STAG1: variants seen among roughly 807,000 people sequenced by gnomAD.
STAG1 encodes the protein STAG1 cohesin complex component.
Under a neutral mutation model 170.9 loss-of-function variants are expected in STAG1, and 26 were observed. The observed-to-expected ratio is 0.15, with a 90% CI of 0.11 to 0.21. The LOEUF is 0.21. STAG1 is among the 10% of genes least tolerant of loss of function. STAG1 has a pLI of 1.00. For missense variants in STAG1, 964 were observed against 1,509.5 expected (o/e 0.64, Z 5.99); for synonymous variants, 514 against 497.7 (o/e 1.03, Z -0.44).
At chr3:136,678,724 A>C (rs1942222310) in intron 1 of STAG1, among the ~76,000 whole-genome samples, 1 of 151,722 alleles carries the variant, frequency 6.6e-6, no homozygotes, top group South Asian at 2.1e-4. Flanking sequence ...AACAACTCAA[A>C]ATTAGGTGCC....
intron 31 of STAG1, among the ~76,000 whole-genome samples, chr3:136,340,974 T>C (rs1935944920): frequency 6.6e-6 from 1 of 152,194 alleles, no homozygotes; most frequent in South Asian, 2.1e-4. Flanking sequence ...AGTGGCGTGA[T>C]CTTGACTCAC....
At chr3:136,422,356 TTAAG>T (rs975030351) in intron 19 of STAG1, 50 bp downstream of exon 19, 86 of 1,515,028 alleles carry the variant, frequency 5.7e-5, no homozygotes, top group Non-Finnish European at 6.9e-5. Flanking sequence ...CTCAGCTATC[TTAAG>T]TAATTCTCAG....
intron 28 of STAG1, among the ~76,000 whole-genome samples, chr3:136,350,452 C>A (rs1159433520): frequency 1.3e-5 from 2 of 152,178 alleles, no homozygotes; most frequent in African/African-American, 2.4e-5. Flanking sequence ...AGTCTCCACT[C>A]CTGGGGTAAA....
chr3:136,751,949 G>A (rs1935277893), intron 1 of STAG1, among the ~76,000 whole-genome samples: 1 of 150,842 alleles, frequency 6.6e-6, no homozygotes, highest in African/African-American at 2.4e-5. Flanking sequence ...AGACGCCGGG[G>A]TGCCCACCGC....
At chr3:136,359,424 A>G (rs145829085) in intron 26 of STAG1, 128 bp from the exon 27 acceptor site, 14 of 603,338 alleles carry the variant, frequency 2.3e-5, no homozygotes, top group Non-Finnish European at 3.4e-5. Flanking sequence ...ATTGAATTTT[A>G]GCTACTCTGT....
rs145335486 is a variant in STAG1 at position 136,540,683 on chromosome 3, G to A, written c.471+1436C>T. ...CTAGTAATACAAAAATTAGCTGGGC[G>A]TGGTGGCACACCCCTGTAATCCCAG... On this transcript the variant is annotated intron_variant, in intron 6 of 33. Transcript: ENST00000383202. Among the ~76,000 whole-genome samples the A allele has an allele frequency of 3.3e-3, 493 of 151,524 alleles. 7 individuals are homozygous for A. In the East Asian group the frequency reaches 0.046, roughly 14 times the overall value.
At chr3:136,631,301 ATCT>A (rs1195559143) in intron 1 of STAG1, among the ~76,000 whole-genome samples, 1 of 152,252 alleles carries the variant, frequency 6.6e-6, no homozygotes, top group Non-Finnish European at 1.5e-5. Flanking sequence ...AAAGAAGCCA[ATCT>A]GAAAAGGATA....
At chr3:136,560,053 ACT>A (rs1475634445) in intron 5 of STAG1, among the ~76,000 whole-genome samples, 1 of 152,220 alleles carries the variant, frequency 6.6e-6, no homozygotes, top group Non-Finnish European at 1.5e-5. Context: ...TGAAAAAATC[ACT>A]GAGATGCTAA....
chr3:136,489,602 A>C (rs2090082446), intron 9 of STAG1, among the ~76,000 whole-genome samples: 1 of 152,220 alleles, frequency 6.6e-6, no homozygotes, highest in Admixed American at 6.5e-5. Flanking sequence ...CACCCAGTGA[A>C]TTCAGGTCTC....
At chr3:136,341,318 T>C (rs758846472) in intron 31 of STAG1, 123 bp downstream of exon 31, 9 of 655,070 alleles carry the variant, frequency 1.4e-5, no homozygotes, top group African/African-American at 9.0e-5. Flanking sequence ...CTATGCTGCA[T>C]AGCATATCAC....
At chr3:136,385,010 A>C (rs1048865908) in intron 22 of STAG1, among the ~76,000 whole-genome samples, 1 of 152,212 alleles carries the variant, frequency 6.6e-6, no homozygotes, top group Non-Finnish European at 1.5e-5. Flanking sequence ...CTAATGGGTG[A>C]ATACAGAAGA....
chr3:136,599,394 G>A (rs2107802092), intron 4 of STAG1, among the ~76,000 whole-genome samples: 1 of 152,196 alleles, frequency 6.6e-6, no homozygotes, highest in African/African-American at 2.4e-5. Context: ...AGCCGAGCAT[G>A]GTGACATGTG....
chr3:136,392,630 G>A (rs1037644017), intron 22 of STAG1, among the ~76,000 whole-genome samples: 1 of 151,938 alleles, frequency 6.6e-6, no homozygotes, highest in Admixed American at 6.6e-5. Context: ...GCCAAGCGTG[G>A]TGGCATGCGC....
At chr3:136,698,413 G>C (rs1266817422) in intron 1 of STAG1, among the ~76,000 whole-genome samples, 1 of 152,054 alleles carries the variant, frequency 6.6e-6, no homozygotes, top group Non-Finnish European at 1.5e-5. Flanking sequence ...CTAATCATCA[G>C]GGAAATGCAA....
At chr3:136,616,165 A>T in intron 3 of STAG1, among the ~76,000 whole-genome samples, 1 of 151,780 alleles carries the variant, frequency 6.6e-6, no homozygotes, top group Non-Finnish European at 1.5e-5. Flanking sequence ...GCTACTCGGG[A>T]GGCTGAGGCA....
intron 4 of STAG1, among the ~76,000 whole-genome samples, chr3:136,589,036 C>T (rs993317252): frequency 3.3e-5 from 5 of 152,158 alleles, no homozygotes; most frequent in African/African-American, 1.2e-4. Context: ...GTTGGGATTA[C>T]AGGTATGAGC....
chr3:136,414,558 A>C (rs1398055524), intron 21 of STAG1, among the ~76,000 whole-genome samples: 4 of 152,116 alleles, frequency 2.6e-5, no homozygotes, highest in African/African-American at 9.7e-5. Context: ...CCTCAAAGTC[A>C]TCCATGAACA....
chr3:136,516,407 C>T (rs1056763635), intron 7 of STAG1, among the ~76,000 whole-genome samples: 2 of 151,940 alleles, frequency 1.3e-5, no homozygotes. Context: ...ACTCGGGATG[C>T]TGAGGTGGAA....
chr3:136,593,843 C>T (rs1938301567), intron 4 of STAG1, among the ~76,000 whole-genome samples: 1 of 152,128 alleles, frequency 6.6e-6, no homozygotes, highest in East Asian at 1.9e-4. Flanking sequence ...TTTATATTTG[C>T]TTAGTTCCAC....
Sources: gnomAD v4.1 joint callset for allele counts (sites outside exome capture counted in the v4.1 genomes callset) on GRCh38, gnomAD v4.1.1 for gene constraint, MANE v1.5 for transcripts, NCBI Gene and HGNC (gene_info 2026-07-23, HGNC 2026-07-21) for gene names.